Variants in POSTN observed in about 807,000 individuals in gnomAD.
POSTN encodes osteoblast specific factor 2 (fasciclin I-like).
POSTN carries 71 observed loss-of-function variants against 104.5 expected under a neutral mutation model. The ratio of observed to expected loss-of-function variants is 0.68; its 90% CI spans 0.56 to 0.83. The LOEUF (loss-of-function observed/expected upper bound fraction) is 0.83, where lower values mean the gene tolerates loss of function less well. Ranked by LOEUF, POSTN falls within the 40% of genes least tolerant of loss-of-function variation. The pLI, the probability that POSTN is intolerant of heterozygous loss-of-function variation, is 0.00. For missense variants in POSTN, 949 were observed against 1,006.8 expected (o/e 0.94, Z 0.78); for synonymous variants, 355 against 340.7 (o/e 1.04, Z -0.46).
chr13:37,579,766 G>A lies in POSTN; in HGVS notation c.1660+95C>T, dbSNP rs74690849. 8.8e-3 allele frequency: 11,919 copies of A among 1,361,688 alleles called. 879 individuals are homozygous for A. In the African/African-American group the frequency reaches 0.15, roughly 18 times the overall value. 84.4% of individuals were successfully genotyped at this position (1,361,688 alleles called of 1,614,324 possible). On this transcript the variant is annotated intron_variant, in intron 12 of 22. Coordinates refer to ENST00000379747, the MANE Select transcript of POSTN (RefSeq NM_006475.3). ...AGCTAACCATGAATACCAGAGAGGGGGCATTTTTAAGGCAGACATCTGGAC... is the reference window on the plus strand; with the variant it reads ...AGCTAACCATGAATACCAGAGAGGGAGCATTTTTAAGGCAGACATCTGGAC...
In POSTN at chr13:37,572,283, A is replaced by AT. The variant is rs960938339; in HGVS notation, c.2090-826dup. Among the ~76,000 whole-genome samples the AT allele has an allele frequency of 6.0e-3, 907 of 150,094 alleles. 10 individuals carry two copies. Among genetic ancestry groups the AT allele is most frequent in the African/African-American group, 0.019 (800 of 41,124 alleles). ...CTGTTGCTTGCTTATCTTTGAGAGC[A>AT]TTTTTTTTTGCTTGTTCAGAAATTG... is the stretch of plus-strand genomic sequence containing the variant. On this transcript the variant is annotated intron_variant, in intron 17 of 22. Coordinates refer to ENST00000379747, the MANE Select transcript of POSTN (RefSeq NM_006475.3).
chr13:37,580,816 G>C, intron 10 of POSTN, 119 bp from the exon 11 acceptor site: 3 of 1,225,268 alleles, frequency 2.4e-6, no homozygotes, highest in Non-Finnish European at 3.5e-6. Context: ...TGGTGTCTGA[G>C]GCCACGGGAA....
intron 4 of POSTN, 68 bp from the exon 5 acceptor site, chr13:37,588,054 C>T: frequency 8.2e-7 from 1 of 1,223,666 alleles, no homozygotes; most frequent in Non-Finnish European, 1.2e-6. Flanking sequence ...TACGATCACC[C>T]TATTTCTACT....
intron 4 of POSTN, 25 bp downstream of exon 4, chr13:37,590,347 T>C (rs1401475276): frequency 6.7e-7 from 1 of 1,485,686 alleles, no homozygotes; most frequent in Admixed American, 2.3e-5. Flanking sequence ...AAAAAATAAA[T>C]ATATTGATAA....
At position 37,579,293 on chromosome 13, in the gene POSTN, C is replaced by A. The variant is rs763408778; in HGVS notation, c.1727G>T (p.Gly576Val). The A allele has an allele frequency of 1.2e-6, 2 of 1,605,848 alleles. No homozygotes were observed. Among genetic ancestry groups the A allele is most frequent in the South Asian group, 1.1e-5 (1 of 90,896 alleles). Residue 576 changes from glycine to valine, a missense_variant, in exon 13 of 23, where the codon GGA becomes GTA. Physicochemically the swap from Gly to Val is moderately radical, Grantham distance 109. Transcript: ENST00000379747. Reference protein sequence around the residue: ...HLTPGVFIGKGFEPGVTNILK... With the variant: ...HLTPGVFIGKVFEPGVTNILK... Reference sequence around the variant, plus strand: ...AATGTTAGTAACACCAGGTTCAAATCCTTTTCCAATGAAAACTCCTGGTGT... The same window carrying A: ...AATGTTAGTAACACCAGGTTCAAATACTTTTCCAATGAAAACTCCTGGTGT...
chr13:37,582,223 C>G (rs1950611934), intron 10 of POSTN, 143 bp downstream of exon 10: 1 of 901,744 alleles, frequency 1.1e-6, no homozygotes, highest in Non-Finnish European at 1.6e-6. Flanking sequence ...ACAGTCTTTT[C>G]ACCCAAGCTA....
At chr13:37,577,989 C>A (rs1355235585) in intron 15 of POSTN, among the ~76,000 whole-genome samples, 191 bp from the exon 16 acceptor site, 1 of 143,364 alleles carries the variant, frequency 7.0e-6, no homozygotes, top group African/African-American at 2.4e-5. Context: ...TCATTGGATT[C>A]ATTACTCAGA....
At chr13:37,578,573 G>A (rs1342381145) in intron 15 of POSTN, among the ~76,000 whole-genome samples, 1 of 152,026 alleles carries the variant, frequency 6.6e-6, no homozygotes, top group Non-Finnish European at 1.5e-5. Flanking sequence ...TGAGGCGGGT[G>A]GATCACGAGG....
intron 10 of POSTN, 75 bp downstream of exon 10, chr13:37,582,291 T>A: frequency 6.8e-7 from 1 of 1,466,300 alleles, no homozygotes. Flanking sequence ...CATAAAATTC[T>A]GTGAAATATT....
At chr13:37,596,467 T>A (rs777600194) in intron 2 of POSTN, among the ~76,000 whole-genome samples, 1 of 152,188 alleles carries the variant, frequency 6.6e-6, no homozygotes, top group Non-Finnish European at 1.5e-5. Flanking sequence ...ATTGGTAAAA[T>A]AAACCAGAAG....
rs1426201113 is a variant in POSTN, at chr13:37,563,509, C to G, written c.2474-139G>C. On this transcript the variant is annotated intron_variant, in intron 22 of 22. Coordinates refer to ENST00000379747, the MANE Select transcript of POSTN (RefSeq NM_006475.3). ...TTAGATTATGTTTTCTTAATATCTTCAACTTATGGTGAAGCAAATATTATA... is the reference window on the plus strand; with the variant it reads ...TTAGATTATGTTTTCTTAATATCTTGAACTTATGGTGAAGCAAATATTATA... The G allele has an allele frequency of 1.3e-5, 5 of 399,130 alleles. No individual in the cohort carries two copies. In the East Asian group the frequency reaches 1.9e-4, roughly 15 times the overall value. The allele number at this position is 399,130 out of a possible 1,614,324, so 24.7% of individuals were successfully genotyped here. A position where few individuals can be genotyped will look rare whatever the true frequency, so the allele number is the denominator to read the frequency against.
chr13:37,584,671 A>G (rs748179227), intron 8 of POSTN, 45 bp downstream of exon 8: 29 of 1,463,766 alleles, frequency 2.0e-5, no homozygotes, highest in African/African-American at 2.8e-5. Context: ...TTAGTAAATT[A>G]CAGTAAGTAA....
chr13:37,589,561 A>G (rs1416835566), intron 4 of POSTN, among the ~76,000 whole-genome samples: 1 of 151,878 alleles, frequency 6.6e-6, no homozygotes, highest in Non-Finnish European at 1.5e-5. Flanking sequence ...ATGTGTTCTC[A>G]TTGCTCAATT....
chr13:37,569,447 A>ATTT, intron 20 of POSTN, 64 bp from the exon 21 acceptor site: 2 of 1,261,510 alleles, frequency 1.6e-6, no homozygotes, highest in Non-Finnish European at 2.3e-6. Context: ...AGCAGACTTT[A>ATTT]TGTCATAAAT....
At chr13:37,584,610 C>A in intron 8 of POSTN, 106 bp downstream of exon 8, 1 of 934,540 alleles carries the variant, frequency 1.1e-6, no homozygotes, top group Non-Finnish European at 1.6e-6. Flanking sequence ...GCATGCCATT[C>A]TTTATACTGC....
In POSTN at chr13:37,574,558, A is replaced by T. The variant is rs554598370; in HGVS notation, c.2089+14T>A. 166 of 1,586,568 alleles carry T rather than the reference A, an allele frequency of 1.0e-4. 2 individuals carry two copies. In the Admixed American group the frequency reaches 3.0e-3, roughly 29 times the overall value. ...TTTACTATAAAAGGAACCATGTATA[A>T]CATTGATTTTTACCTTCAGTTTTGA... On this transcript the variant is annotated intron_variant, in intron 17 of 22. Transcript: ENST00000379747.
At chr13:37,585,478 T>C (rs1458000497) in intron 7 of POSTN, among the ~76,000 whole-genome samples, 2 of 152,152 alleles carry the variant, frequency 1.3e-5, no homozygotes, top group African/African-American at 2.4e-5. Context: ...TAACATGTAA[T>C]GAGGTCGATA....
chr13:37,580,787 G>A, intron 10 of POSTN, 90 bp from the exon 11 acceptor site: 1 of 1,537,282 alleles, frequency 6.5e-7, no homozygotes, highest in East Asian at 2.3e-5. Flanking sequence ...TTCCGGATCG[G>A]CCCTTCTGAG....
At chr13:37,567,305 T>C (rs1950140441) in intron 21 of POSTN, among the ~76,000 whole-genome samples, 1 of 150,926 alleles carries the variant, frequency 6.6e-6, no homozygotes, top group South Asian at 2.1e-4. Context: ...GATAGAAAAT[T>C]CAGTTTTAGG....
Sources: allele counts gnomAD v4.1 joint callset (sites outside exome capture counted in the v4.1 genomes callset), GRCh38; gene constraint gnomAD v4.1.1; transcripts MANE v1.5; gene names NCBI Gene and HGNC (gene_info 2026-07-23, HGNC 2026-07-21).